The following ABCG2 variants were observed in gnomAD, a reference collection of about 807,000 sequenced individuals.
ABCG2 encodes ATP binding cassette subfamily G member 2 (JR blood group), also known as broad substrate specificity ATP-binding cassette transporter ABCG2.
Under a neutral mutation model 73.5 loss-of-function variants are expected in ABCG2, and 80 were observed. The observed-to-expected ratio is 1.09, with a 90% CI of 0.91 to 1.31. ABCG2 has a LOEUF of 1.31. Ranked by LOEUF, ABCG2 falls within the 50% of genes most tolerant of loss-of-function variation. The pLI is 0.00. For missense variants in ABCG2, 796 were observed against 786.2 expected (o/e 1.01, Z -0.15); for synonymous variants, 269 against 282.4 (o/e 0.95, Z 0.48).
At chr4:88,194,549 C>T (rs1341231548) in intron 1 of ABCG2, among the ~76,000 whole-genome samples, 1 of 52,554 alleles carries the variant, frequency 1.9e-5, no homozygotes, top group Admixed American at 3.4e-4. Context: ...GACTCCGTCT[C>T]AAAAAAAAAA....
chr4:88,220,714 T>C (rs1407186336), intron 1 of ABCG2: 1 of 152,254 alleles, frequency 6.6e-6, no homozygotes, highest in Admixed American at 6.5e-5. Context: ...ATAATCCCCA[T>C]GTGTCATGGG....
chr4:88,187,093 C>CAA (rs61116461), intron 1 of ABCG2, among the ~76,000 whole-genome samples: 7 of 45,202 alleles, frequency 1.5e-4, no homozygotes, highest in African/African-American at 2.9e-4. Context: ...GATTCTGTCT[C>CAA]AAAAAAAAAA....
intron 1 of ABCG2, among the ~76,000 whole-genome samples, chr4:88,202,372 A>ATATATG (rs1729217102): frequency 8.3e-6 from 1 of 119,768 alleles, no homozygotes; most frequent in Non-Finnish European, 1.8e-5. Context: ...ATATATATAT[A>ATATATG]TATATGTATA....
At chr4:88,098,647 G>GATAGATAC (rs1198520874) in intron 12 of ABCG2, among the ~76,000 whole-genome samples, 1 of 147,326 alleles carries the variant, frequency 6.8e-6, no homozygotes, top group Admixed American at 6.9e-5. Flanking sequence ...GACAGGGAGA[G>GATAGATAC]ATAGATAGAT....
chr4:88,096,154 C>G (rs920680762), intron 13 of ABCG2, among the ~76,000 whole-genome samples: 1 of 152,154 alleles, frequency 6.6e-6, no homozygotes, highest in Non-Finnish European at 1.5e-5. Context: ...AGAACTGATA[C>G]AGAGTATAAT....
chr4:88,135,643 C>T (rs1344647143), intron 2 of ABCG2, among the ~76,000 whole-genome samples: 1 of 152,062 alleles, frequency 6.6e-6, no homozygotes, highest in African/African-American at 2.4e-5. Context: ...GTTCTGAATC[C>T]CCCACTAGGC....
chr4:88,187,887 T>C (rs988625810), intron 1 of ABCG2, among the ~76,000 whole-genome samples: 1 of 152,202 alleles, frequency 6.6e-6, no homozygotes, highest in African/African-American at 2.4e-5. Context: ...CACACAAATA[T>C]CTTTTGTATC....
At chr4:88,146,918 GGA>G in intron 1 of ABCG2, among the ~76,000 whole-genome samples, 1 of 135,588 alleles carries the variant, frequency 7.4e-6, no homozygotes, top group South Asian at 2.6e-4. Flanking sequence ...AAGGAAGGAA[GGA>G]AGGAAGAAGG....
rs755591361 is a variant in ABCG2, at chr4:88,131,843, C to T, written c.338G>A (p.Arg113Gln). ...TGAATTACATTTGAAATTGGCAGGTCGCGGTGCTCCATTTATCAGAACATC... is the reference window on the plus strand; with the variant it reads ...TGAATTACATTTGAAATTGGCAGGTTGCGGTGCTCCATTTATCAGAACATC... ...SGDVLINGAP[R>Q]PANFKCNSGY... The change falls in exon 4 of 16, where the codon CGA becomes CAA. Residue 113 changes from arginine to glutamine, a missense_variant. Arg to Gln is a conservative substitution (Grantham distance 43, BLOSUM62 1). Coordinates refer to ENST00000237612, the MANE Select transcript of ABCG2 (RefSeq NM_004827.3). 19 of 1,613,632 alleles carry T rather than the reference C, an allele frequency of 1.2e-5. No homozygotes were observed. The highest frequency in any genetic ancestry group is 2.7e-5 in the African/African-American group (2 of 74,902).
intron 5 of ABCG2, among the ~76,000 whole-genome samples, chr4:88,123,162 C>A (rs1724132106): frequency 6.6e-6 from 1 of 152,134 alleles, no homozygotes. Flanking sequence ...CACACCAAAA[C>A]CCCATCCAAA....
chr4:88,101,139 C>T lies in ABCG2; in HGVS notation c.1367+91G>A, dbSNP rs1722377500. 8.9e-6 allele frequency: 9 copies of T among 1,010,000 alleles called. No homozygotes were observed. The South Asian group carries it at 1.2e-4, about 13-fold the overall frequency. The allele number at this position is 1,010,000 out of a possible 1,614,324, so 62.6% of individuals were successfully genotyped here. On this transcript the variant is annotated intron_variant, in intron 11 of 15. Coordinates refer to ENST00000237612, the MANE Select transcript of ABCG2 (RefSeq NM_004827.3). The stretch of plus-strand genomic sequence containing the variant: ...AAAAAGTACTGGTAATCCTCCGGAT[C>T]CCATCCTTGGCCCCAACCCCAGATG...
At chr4:88,196,220 C>G (rs1728937688) in intron 1 of ABCG2, among the ~76,000 whole-genome samples, 1 of 152,192 alleles carries the variant, frequency 6.6e-6, no homozygotes, top group Non-Finnish European at 1.5e-5. Context: ...CTGGGTTTTA[C>G]TAACTTGGAG....
chr4:88,125,607 CAAAAAAAAAAAAAAAA>C (rs70957302), intron 5 of ABCG2, among the ~76,000 whole-genome samples: 1 of 34,952 alleles, frequency 2.9e-5, no homozygotes, highest in African/African-American at 1.0e-4. Context: ...GACTCTGTCT[CAAAAAAAAAAAAAAAA>C]AAAAAAAAAA....
At chr4:88,092,525 T>C (rs1260259002) in intron 15 of ABCG2, 144 bp from the exon 16 acceptor site, 2 of 846,910 alleles carry the variant, frequency 2.4e-6, no homozygotes, top group Non-Finnish European at 3.6e-6. Flanking sequence ...TAACAGTCAT[T>C]GTGTGTTTAC....
chr4:88,162,135 C>T (rs568214296), upstream of ABCG2, among the ~76,000 whole-genome samples: 45 of 152,076 alleles, frequency 3.0e-4, 2 homozygotes, highest in South Asian at 9.3e-3. Context: ...TTGCTTGAGC[C>T]CCGGGGTTCA....
At chr4:88,093,348 C>T (rs1268671069) in intron 15 of ABCG2, among the ~76,000 whole-genome samples, 1 of 151,732 alleles carries the variant, frequency 6.6e-6, no homozygotes, top group Non-Finnish European at 1.5e-5. Flanking sequence ...ACTAAAAATA[C>T]AAAAAATTAG....
intron 2 of ABCG2, among the ~76,000 whole-genome samples, chr4:88,137,234 C>T (rs1377255855): frequency 1.3e-5 from 2 of 151,982 alleles, no homozygotes; most frequent in East Asian, 3.9e-4. Context: ...AAGGTTTTTC[C>T]TTTTAGTAAA....
At chr4:88,106,285 A>C (rs560595020) in intron 10 of ABCG2, among the ~76,000 whole-genome samples, 1 of 152,232 alleles carries the variant, frequency 6.6e-6, no homozygotes, top group Non-Finnish European at 1.5e-5. Flanking sequence ...CTACAGACAC[A>C]TGCCACCACA....
rs1296102699 is a variant in ABCG2 at position 88,099,312 on chromosome 4, T to C, written c.1492+12A>G. ...TAAAGACATGTCCTTTTTTGTTTTG[T>C]TACATACTTACCTAACATGAAGTAC... On this transcript the variant is annotated intron_variant, in intron 12 of 15. Transcript: ENST00000237612. 15 of 1,581,598 alleles carry C rather than the reference T, an allele frequency of 9.5e-6. No individual in the cohort carries two copies. The highest frequency in any genetic ancestry group is 1.3e-5 in the Non-Finnish European group (15 of 1,166,758).
Sources: gnomAD v4.1 joint callset for allele counts (sites outside exome capture counted in the v4.1 genomes callset) on GRCh38, gnomAD v4.1.1 for gene constraint, MANE v1.5 for transcripts, NCBI Gene and HGNC (gene_info 2026-07-23, HGNC 2026-07-21) for gene names.